The following IL1RAP variants were observed in gnomAD, a reference collection of about 807,000 sequenced individuals.
The protein encoded by IL1RAP is interleukin-1 receptor accessory protein.
Under a neutral mutation model 60.7 loss-of-function variants are expected in IL1RAP, and 35 were observed. That is an observed-to-expected ratio of 0.58 (90% CI 0.44 to 0.76). The LOEUF is 0.76. IL1RAP is among the 30% of genes least tolerant of loss of function. IL1RAP has a pLI of 0.00. For missense variants in IL1RAP, 572 were observed against 693.9 expected, an observed-to-expected ratio of 0.82 and a Z score of 1.97; for synonymous variants, 268 against 250.9, an observed-to-expected ratio of 1.07 and a Z score of -0.64.
intron 2 of IL1RAP, among the ~76,000 whole-genome samples, chr3:190,562,961 G>T (rs965321083): frequency 6.6e-6 from 1 of 152,094 alleles, no homozygotes; most frequent in Non-Finnish European, 1.5e-5. Flanking sequence ...TGTGATTTGT[G>T]TACAACCAGG....
At chr3:190,641,199 A>G (rs1369579832) in intron 9 of IL1RAP, among the ~76,000 whole-genome samples, 1 of 152,202 alleles carries the variant, frequency 6.6e-6, no homozygotes, top group Non-Finnish European at 1.5e-5. Flanking sequence ...TCCCGACCTC[A>G]GGTGATCCAC....
chr3:190,518,272 A>G (rs901934063), intron 1 of IL1RAP, among the ~76,000 whole-genome samples: 2 of 152,166 alleles, frequency 1.3e-5, no homozygotes, highest in African/African-American at 4.8e-5. Context: ...AAATAGGGAC[A>G]CTGATGCCTG....
At chr3:190,592,886 G>A (rs1729062649) in intron 3 of IL1RAP, among the ~76,000 whole-genome samples, 1 of 151,418 alleles carries the variant, frequency 6.6e-6, no homozygotes, top group Non-Finnish European at 1.5e-5. Flanking sequence ...GTAATGATTT[G>A]TCCATACTTT....
At chr3:190,605,344 AAAAACAAAAC>A (rs543856398) in intron 4 of IL1RAP, among the ~76,000 whole-genome samples, 4 of 152,098 alleles carry the variant, frequency 2.6e-5, no homozygotes, top group Non-Finnish European at 5.9e-5. Flanking sequence ...AAAAAAACAA[AAAAACAAAAC>A]AAAACAAAAC....
intron 3 of IL1RAP, among the ~76,000 whole-genome samples, chr3:190,593,540 C>T (rs556864640): frequency 1.3e-5 from 2 of 152,272 alleles, no homozygotes; most frequent in Admixed American, 6.5e-5. Flanking sequence ...GACTCCAGTT[C>T]CACATGGCTA....
intron 2 of IL1RAP, among the ~76,000 whole-genome samples, chr3:190,561,911 G>A (rs375263561): frequency 3.3e-5 from 5 of 152,222 alleles, no homozygotes; most frequent in East Asian, 1.9e-4. Flanking sequence ...TCTAATACGC[G>A]CCTGGCAGTG....
In IL1RAP at chr3:190,650,815, A is replaced by C. The variant is rs1734348701; in HGVS notation, c.*2110A>C. ...AAGAACTTATTCCAGATAAGCTTTGAATATCAATTCTTACATAAACTTTAG... is the reference window on the plus strand; with the variant it reads ...AAGAACTTATTCCAGATAAGCTTTGCATATCAATTCTTACATAAACTTTAG... On this transcript the variant is annotated 3_prime_UTR_variant, in exon 12 of 12. Transcript: ENST00000447382. 3 of 985,070 alleles carry C rather than the reference A, an allele frequency of 3.0e-6. No individual in the cohort carries two copies. Among genetic ancestry groups the C allele is most frequent in the Middle Eastern group, 1.0e-3 (2 of 1,914 alleles). The allele number at this position is 985,070 out of a possible 1,614,324, so 61.0% of individuals were successfully genotyped here. A position where few individuals can be genotyped will look rare whatever the true frequency, so the allele number is the denominator to read the frequency against.
At chr3:190,615,587 C>A (rs1048360454) in intron 5 of IL1RAP, among the ~76,000 whole-genome samples, 10 of 152,188 alleles carry the variant, frequency 6.6e-5, no homozygotes, top group Non-Finnish European at 1.2e-4. Flanking sequence ...TGCTGAACTA[C>A]TCTCACCTGC....
rs1272522450 is a variant in IL1RAP at position 190,514,092 on chromosome 3, T to TG, written c.-212dup. ...GTGCGGCGGAAAGTAAGAGGCTCAC[T>TG]GGGGAAGACTGCCGGGATCCAGGTC... On this transcript the variant is annotated 5_prime_UTR_variant, in exon 1 of 12. Transcript: ENST00000447382. 1 of 152,258 alleles carries TG rather than the reference T, an allele frequency of 6.6e-6. No homozygotes were observed. Among genetic ancestry groups the TG allele is most frequent in the Non-Finnish European group, 1.5e-5 (1 of 68,160 alleles). 9.4% of individuals were successfully genotyped at this position (152,258 alleles called of 1,614,324 possible). A position where few individuals can be genotyped will look rare whatever the true frequency, so the allele number is the denominator to read the frequency against.
intron 5 of IL1RAP, among the ~76,000 whole-genome samples, chr3:190,617,587 C>A (rs181585203): frequency 2.6e-5 from 4 of 152,274 alleles, no homozygotes; most frequent in Admixed American, 1.3e-4. Context: ...TCACTCATTT[C>A]TTATATTTTA....
chr3:190,565,732 A>G (rs1726329541), intron 3 of IL1RAP, among the ~76,000 whole-genome samples: 1 of 152,144 alleles, frequency 6.6e-6, no homozygotes, highest in South Asian at 2.1e-4. Context: ...GTCGCGTTTG[A>G]TAGGTGAGTT....
intron 11 of IL1RAP, among the ~76,000 whole-genome samples, chr3:190,648,102 T>A (rs937492660): frequency 7.9e-5 from 12 of 152,212 alleles, no homozygotes; most frequent in Non-Finnish European, 1.2e-4. Context: ...TTCATGCCTG[T>A]TTGGAATTCT....
At chr3:190,659,249 A>G (rs1734706130) in exon 12 of IL1RAP, 1 of 152,220 alleles carries the variant, frequency 6.6e-6, no homozygotes, top group South Asian at 2.1e-4. Flanking sequence ...GTCATGGAAA[A>G]TTAAATATGA....
intron 1 of IL1RAP, among the ~76,000 whole-genome samples, chr3:190,522,241 T>G (rs941107978): frequency 6.6e-6 from 1 of 152,034 alleles, no homozygotes; most frequent in African/African-American, 2.4e-5. Context: ...CTGTCCAGAC[T>G]TAGTTTTCTC....
At chr3:190,583,822 G>A (rs1471746964) in intron 3 of IL1RAP, among the ~76,000 whole-genome samples, 5 of 152,162 alleles carry the variant, frequency 3.3e-5, no homozygotes, top group East Asian at 3.8e-4. Flanking sequence ...GCCTCTGCCC[G>A]GTTGTTACAA....
At chr3:190,574,105 T>C (rs1164585976) in intron 3 of IL1RAP, among the ~76,000 whole-genome samples, 1 of 152,094 alleles carries the variant, frequency 6.6e-6, no homozygotes, top group Non-Finnish European at 1.5e-5. Flanking sequence ...AATTAAAACT[T>C]CATTTTAAAA....
At chr3:190,546,301 G>T (rs983565569) in intron 1 of IL1RAP, among the ~76,000 whole-genome samples, 1 of 152,078 alleles carries the variant, frequency 6.6e-6, no homozygotes, top group African/African-American at 2.4e-5. Context: ...CTTATGCGTG[G>T]CTGCATCACA....
At chr3:190,629,319 A>C in intron 8 of IL1RAP, 31 bp from the exon 9 acceptor site, 1 of 1,516,226 alleles carries the variant, frequency 6.6e-7, no homozygotes. Flanking sequence ...GTCACTCTCA[A>C]ATGCTTTGAT....
rs944232885 is a variant in IL1RAP at position 190,627,415 on chromosome 3, G to A, written c.868G>A (p.Asp290Asn). The change falls in exon 8 of 12, where the codon GAT (aspartate) becomes AAT (asparagine). Residue 290 changes from aspartate to asparagine, a missense_variant. Asp to Asn is a conservative substitution (Grantham distance 23). Transcript: ENST00000447382. ...VWWTIDGKKP[D>N]DITIDVTINE... ...GTGGACCATTGATGGAAAAAAACCT[G>A]ATGACATCACTATTGATGTCACCAT... is the stretch of plus-strand genomic sequence containing the variant. The A allele has an allele frequency of 7.4e-6, 12 of 1,613,284 alleles. No homozygotes were observed. The highest frequency in any genetic ancestry group is 1.0e-5 in the Non-Finnish European group (12 of 1,179,570).
Sources: gnomAD v4.1 joint callset for allele counts (sites outside exome capture counted in the v4.1 genomes callset) on GRCh38, gnomAD v4.1.1 for gene constraint, MANE v1.5 for transcripts, NCBI Gene and HGNC (gene_info 2026-07-23, HGNC 2026-07-21) for gene names.